Variants in DNAAF10 observed in about 807,000 individuals in gnomAD.
DNAAF10 encodes the protein dynein axonemal assembly factor 10.
DNAAF10 carries 28 observed loss-of-function variants against 43.7 expected under a neutral mutation model. That is an observed-to-expected ratio of 0.64 (90% CI 0.48 to 0.88). The LOEUF is 0.88. DNAAF10 is among the 40% of genes least tolerant of loss of function. The probability of loss-of-function intolerance (pLI) is 0.00; values close to 1 mark genes in which losing one functional copy is unlikely to be tolerated. For synonymous variants in DNAAF10, 156 were observed against 157.3 expected (o/e 0.99, Z 0.06); for missense variants, 403 against 439.1 (o/e 0.92, Z 0.73).
Position 68,131,170 on chromosome 2 carries a change from G to A in DNAAF10, c.*68C>T, listed in dbSNP as rs1419726127. On this transcript the variant is annotated 3_prime_UTR_variant, in exon 8 of 8. Coordinates refer to ENST00000295121, the MANE Select transcript of DNAAF10 (RefSeq NM_138458.4). ...CCTGACCTTCTGATCCACCCGCCTC[G>A]GCCTCCCAAAGTGCTGGGATTACAG... The A allele has an allele frequency of 1.1e-5, 17 of 1,514,024 alleles. No homozygotes were observed. Among genetic ancestry groups the A allele is most frequent in the South Asian group, 6.8e-5 (6 of 88,566 alleles). 93.8% of individuals were successfully genotyped at this position (1,514,024 alleles called of 1,614,324 possible). A position where few individuals can be genotyped will look rare whatever the true frequency, so the allele number is the denominator to read the frequency against.
rs1673269388 is a variant in DNAAF10 at position 68,144,577 on chromosome 2, G to C, written c.415+8C>G. ...AATAAACAAAATACATAGAATACAGGGACTCACCATCTCGGCTGCCAGTCA... is the reference window on the plus strand; with the variant it reads ...AATAAACAAAATACATAGAATACAGCGACTCACCATCTCGGCTGCCAGTCA... On this transcript the variant is annotated splice_region_variant and intron_variant, in intron 3 of 7. Coordinates refer to ENST00000295121, the MANE Select transcript of DNAAF10 (RefSeq NM_138458.4). 1 of 1,613,318 alleles carries C rather than the reference G, an allele frequency of 6.2e-7. No homozygotes were observed. The highest frequency in any genetic ancestry group is 1.3e-5 in the African/African-American group (1 of 74,916).
rs572585831 is a variant in DNAAF10 at position 68,147,884 on chromosome 2, A to G, written c.184-317T>C. ...TCATGTGATATTCTTTAAGATCCTC[A>G]GCAGAAATGAGAACATAATGAAGAT... On this transcript the variant is annotated intron_variant, in intron 1 of 7. Transcript: ENST00000295121. Among the ~76,000 whole-genome samples the G allele has an allele frequency of 5.9e-5, 9 of 152,354 alleles. No homozygotes were observed. The South Asian group carries it at 1.7e-3, about 28-fold the overall frequency.
At chr2:68,138,906 A>G (rs573184768) in intron 4 of DNAAF10, 49 bp from the exon 5 acceptor site, 1 of 1,338,518 alleles carries the variant, frequency 7.5e-7, no homozygotes. Flanking sequence ...GCATCCTTAT[A>G]AAGGCTGCTT....
chr2:68,153,844 C>T (rs1411538342), intron 1 of DNAAF10, among the ~76,000 whole-genome samples: 11 of 149,962 alleles, frequency 7.3e-5, no homozygotes, highest in South Asian at 2.1e-4. Flanking sequence ...TTCTGCCTCC[C>T]GGGTTCAAGT....
At chr2:68,136,306 A>C (rs1354050847) in intron 6 of DNAAF10, among the ~76,000 whole-genome samples, 2 of 152,252 alleles carry the variant, frequency 1.3e-5, no homozygotes, top group African/African-American at 4.8e-5. Context: ...TATGTGTTGC[A>C]AATTATACAT....
chr2:68,151,524 G>A (rs1673457652), intron 1 of DNAAF10, among the ~76,000 whole-genome samples: 2 of 152,024 alleles, frequency 1.3e-5, no homozygotes, highest in Admixed American at 1.3e-4. Context: ...ATGCAATTAT[G>A]TCCCCCTTTC....
chr2:68,149,244 T>C (rs2278789), intron 1 of DNAAF10, among the ~76,000 whole-genome samples: 62,272 of 152,026 alleles, frequency 0.41, 13,080 homozygotes, highest in South Asian at 0.62. Flanking sequence ...TACCATTATA[T>C]GGTATAGGGC....
chr2:68,152,906 T>C (rs556487437), intron 1 of DNAAF10, among the ~76,000 whole-genome samples: 1 of 152,238 alleles, frequency 6.6e-6, no homozygotes, highest in African/African-American at 2.4e-5. Flanking sequence ...TTAAAAGATC[T>C]AGCCAACCAA....
intron 6 of DNAAF10, among the ~76,000 whole-genome samples, chr2:68,135,953 G>A (rs766030263): frequency 2.0e-5 from 3 of 151,974 alleles, no homozygotes; most frequent in Non-Finnish European, 4.4e-5. Flanking sequence ...AGTGGCTCAC[G>A]CCCATAATCC....
At chr2:68,147,621 AATCT>A in intron 1 of DNAAF10, 54 bp from the exon 2 acceptor site, 4 of 1,324,986 alleles carry the variant, frequency 3.0e-6, no homozygotes, top group Non-Finnish European at 4.2e-6. Flanking sequence ...AGATATTTAT[AATCT>A]ATTAATATCA....
intron 4 of DNAAF10, among the ~76,000 whole-genome samples, chr2:68,139,632 A>G (rs1558608454): frequency 6.6e-6 from 1 of 151,368 alleles, no homozygotes; most frequent in African/African-American, 2.4e-5. Flanking sequence ...AAAAAAAAAA[A>G]AAAAAGAAAA....
chr2:68,157,135 C>G, intron 1 of DNAAF10, 126 bp downstream of exon 1: 1 of 1,311,860 alleles, frequency 7.6e-7, no homozygotes, highest in Non-Finnish European at 1.0e-6. Flanking sequence ...GTCAGCTTCT[C>G]TGGTCTCGCG....
intron 6 of DNAAF10, among the ~76,000 whole-genome samples, chr2:68,136,719 TA>T (rs1167609416): frequency 6.6e-6 from 1 of 152,226 alleles, no homozygotes; most frequent in Non-Finnish European, 1.5e-5. Context: ...ATCTTTTTTT[TA>T]AACCAGTATT....
In DNAAF10 at chr2:68,157,021, G is replaced by T. The variant is rs544533776; in HGVS notation, c.183+240C>A. Reference sequence around the variant, plus strand: ...CCACACTGCAGGCATCCTGGTGCCCGCTTTGGCTGGACTGCACTGGGGGTG... The same window carrying T: ...CCACACTGCAGGCATCCTGGTGCCCTCTTTGGCTGGACTGCACTGGGGGTG... On this transcript the variant is annotated intron_variant, in intron 1 of 7. Coordinates refer to ENST00000295121, the MANE Select transcript of DNAAF10 (RefSeq NM_138458.4). 20 of 589,144 alleles carry T rather than the reference G, an allele frequency of 3.4e-5. 1 individual carries two copies. The South Asian group carries it at 4.3e-4, about 13-fold the overall frequency. The allele number at this position is 589,144 out of a possible 1,614,324, so 36.5% of individuals were successfully genotyped here. A position where few individuals can be genotyped will look rare whatever the true frequency, so the allele number is the denominator to read the frequency against.
At position 68,139,173 on chromosome 2, in the gene DNAAF10, G is replaced by T. The variant is rs531648847; in HGVS notation, c.518-316C>A. Among the ~76,000 whole-genome samples, 4 of 152,292 alleles carry T rather than the reference G, an allele frequency of 2.6e-5. No individual in the cohort carries two copies. The South Asian group carries it at 8.3e-4, about 32-fold the overall frequency. On this transcript the variant is annotated intron_variant, in intron 4 of 7. Coordinates refer to ENST00000295121, the MANE Select transcript of DNAAF10 (RefSeq NM_138458.4). ...TGGGTCATGGGGCTGGATCCCTCGT[G>T]AATGGCTCAGTGCAGTCCTTATGGT...
intron 2 of DNAAF10, among the ~76,000 whole-genome samples, chr2:68,145,379 C>T (rs1455279895): frequency 6.6e-6 from 1 of 152,026 alleles, no homozygotes; most frequent in African/African-American, 2.4e-5. Flanking sequence ...AATCATCATA[C>T]TCATTGTTAA....
At position 68,134,936 on chromosome 2, in the gene DNAAF10, C is replaced by G. The variant is rs1045089281; in HGVS notation, c.769-137G>C. On this transcript the variant is annotated intron_variant, in intron 6 of 7. Transcript: ENST00000295121. ...ATTAAGGTTATTTTCTGGCACATCT[C>G]TTTATAATGGCTATAGAGATTTATA... The G allele has an allele frequency of 1.2e-5, 11 of 914,464 alleles. No homozygotes were observed. In the Admixed American group the frequency reaches 3.1e-4, roughly 26 times the overall value. 56.6% of individuals were successfully genotyped at this position (914,464 alleles called of 1,614,324 possible). A position where few individuals can be genotyped will look rare whatever the true frequency, so the allele number is the denominator to read the frequency against.
Position 68,137,409 on chromosome 2 carries a change from T to C in DNAAF10, c.658A>G (p.Lys220Glu). The C allele has an allele frequency of 6.2e-7, 1 of 1,612,568 alleles. No individual in the cohort carries two copies. Residue 220 changes from lysine (K) to glutamate (E), a missense_variant, in exon 6 of 8, where the codon AAA (lysine) becomes GAA (glutamate). By Grantham distance (56) the Lys-to-Glu change is moderately conservative. Coordinates refer to ENST00000295121, the MANE Select transcript of DNAAF10 (RefSeq NM_138458.4). Reference protein sequence around the residue: ...NGVCSLEFDRKDISMNKLVAT... With the variant: ...NGVCSLEFDREDISMNKLVAT... Reference sequence around the variant, plus strand: ...ACTAACTTATTCATACTTATGTCTTTTCTGTCAAACTCCAAGCTACACACC... The same window carrying C: ...ACTAACTTATTCATACTTATGTCTTCTCTGTCAAACTCCAAGCTACACACC...
chr2:68,142,279 G>C (rs529814547), intron 3 of DNAAF10, among the ~76,000 whole-genome samples: 54 of 151,718 alleles, frequency 3.6e-4, no homozygotes, highest in African/African-American at 1.3e-3. Flanking sequence ...CTTTTGTTTT[G>C]AGATGGAGTC....
Sources: gnomAD v4.1 joint callset for allele counts (sites outside exome capture counted in the v4.1 genomes callset) on GRCh38, gnomAD v4.1.1 for gene constraint, MANE v1.5 for transcripts, NCBI Gene and HGNC (gene_info 2026-07-23, HGNC 2026-07-21) for gene names.